CDK14: variants seen among roughly 807,000 people sequenced by gnomAD.
CDK14 encodes the protein cyclin dependent kinase 14, also known as cyclin-dependent kinase 14.
In CDK14, 34 loss-of-function variants were observed where a neutral mutation model predicts 60.7. The observed-to-expected ratio is 0.56, with a 90% CI of 0.43 to 0.75. The LOEUF is 0.75. Ranked by LOEUF, CDK14 falls within the 30% of genes least tolerant of loss-of-function variation. The pLI is 0.00. For synonymous variants in CDK14, 197 were observed against 203.7 expected, an observed-to-expected ratio of 0.97 and a Z score of 0.28; for missense variants, 482 against 564.1, an observed-to-expected ratio of 0.85 and a Z score of 1.47.
At chr7:91,043,993 A>T (rs705349) in intron 10 of CDK14, among the ~76,000 whole-genome samples, 26,658 of 152,088 alleles carry the variant, frequency 0.18, 3,317 homozygotes, top group East Asian at 0.57. Context: ...AAATCCTCGG[A>T]TAAAGTGAAT....
intron 5 of CDK14, among the ~76,000 whole-genome samples, chr7:90,853,219 A>G (rs1384190388): frequency 6.6e-6 from 1 of 152,194 alleles, no homozygotes; most frequent in Non-Finnish European, 1.5e-5. Context: ...TCAACAGTTC[A>G]TTAATAATGA....
intron 8 of CDK14, among the ~76,000 whole-genome samples, chr7:90,943,230 A>T (rs1793987705): frequency 1.3e-5 from 2 of 152,180 alleles, no homozygotes; most frequent in Non-Finnish European, 2.9e-5. Context: ...TACATTTTAC[A>T]TAAGACCCAG....
intron 8 of CDK14, among the ~76,000 whole-genome samples, chr7:90,938,270 T>C (rs893485018): frequency 6.6e-6 from 1 of 152,232 alleles, no homozygotes; most frequent in African/African-American, 2.4e-5. Context: ...TTCAAAACCA[T>C]CTGAACAACT....
chr7:90,601,068 T>A (rs1034337726), intron 1 of CDK14, among the ~76,000 whole-genome samples: 2 of 152,236 alleles, frequency 1.3e-5, no homozygotes, highest in African/African-American at 4.8e-5. Flanking sequence ...AGGAGGAGCA[T>A]CACTTTCATC....
chr7:90,599,311 T>C (rs188386651), intron 1 of CDK14, among the ~76,000 whole-genome samples: 1 of 152,382 alleles, frequency 6.6e-6, no homozygotes, highest in East Asian at 1.9e-4. Flanking sequence ...CTGACATAAC[T>C]GATCTTATAG....
intron 12 of CDK14, among the ~76,000 whole-genome samples, chr7:91,086,252 G>A (rs1798635589): frequency 6.6e-6 from 1 of 152,180 alleles, no homozygotes; most frequent in Non-Finnish European, 1.5e-5. Context: ...TACCCAATAA[G>A]CATAATAAAT....
At chr7:90,841,664 A>G (rs1473963737) in intron 5 of CDK14, among the ~76,000 whole-genome samples, 3 of 142,252 alleles carry the variant, frequency 2.1e-5, no homozygotes, top group African/African-American at 5.9e-5. Flanking sequence ...ATATGTACAC[A>G]CACACACACA....
At chr7:91,037,941 C>T (rs1362008113) in intron 10 of CDK14, among the ~76,000 whole-genome samples, 1 of 152,176 alleles carries the variant, frequency 6.6e-6, no homozygotes, top group Non-Finnish European at 1.5e-5. Flanking sequence ...TCCAGGTATT[C>T]TCCAGTTCCC....
Position 90,877,598 on chromosome 7 carries a change from C to T in CDK14, c.639+14329C>T, listed in dbSNP as rs1020330219. Among the ~76,000 whole-genome samples the T allele has an allele frequency of 3.9e-5, 6 of 152,108 alleles. 1 individual carries two copies. Among genetic ancestry groups the T allele is most frequent in the African/African-American group, 1.4e-4 (6 of 41,380 alleles). ...AATGGATTGATTGATGTTTCTCCCCCTTCTATTTTATTACCCTTTTTACTT... is the reference window on the plus strand; with the variant it reads ...AATGGATTGATTGATGTTTCTCCCCTTTCTATTTTATTACCCTTTTTACTT... On this transcript the variant is annotated intron_variant, in intron 6 of 14. Coordinates refer to ENST00000380050, the MANE Select transcript of CDK14 (RefSeq NM_001287135.2).
intron 11 of CDK14, among the ~76,000 whole-genome samples, chr7:91,047,812 A>G (rs1797283837): frequency 6.6e-6 from 1 of 152,186 alleles, no homozygotes; most frequent in Admixed American, 6.5e-5. Flanking sequence ...GAGGAGACAC[A>G]ACAACAGACT....
intron 14 of CDK14, among the ~76,000 whole-genome samples, chr7:91,172,008 T>C (rs982124392): frequency 6.6e-6 from 1 of 152,214 alleles, no homozygotes; most frequent in African/African-American, 2.4e-5. Flanking sequence ...TTTAAATTGT[T>C]TTATGATAGA....
chr7:91,020,256 A>G (rs759882509), intron 10 of CDK14, among the ~76,000 whole-genome samples: 2 of 152,216 alleles, frequency 1.3e-5, no homozygotes, highest in Non-Finnish European at 2.9e-5. Context: ...AAGAATCAAG[A>G]TCAGTAATAA....
intron 6 of CDK14, among the ~76,000 whole-genome samples, chr7:90,886,751 C>A (rs909160579): frequency 6.6e-6 from 1 of 152,020 alleles, no homozygotes; most frequent in African/African-American, 2.4e-5. Flanking sequence ...GTGATGTTTG[C>A]CAAATATATC....
At chr7:90,733,539 C>G (rs1802958785) in intron 3 of CDK14, among the ~76,000 whole-genome samples, 2 of 152,168 alleles carry the variant, frequency 1.3e-5, no homozygotes, top group Non-Finnish European at 2.9e-5. Flanking sequence ...ATAGTTACCT[C>G]TTCTTGTTGC....
intron 2 of CDK14, among the ~76,000 whole-genome samples, chr7:90,642,519 C>CAA (rs929563734): frequency 3.3e-5 from 5 of 151,856 alleles, no homozygotes; most frequent in Non-Finnish European, 7.4e-5. Flanking sequence ...GAATAGATAG[C>CAA]AAGAGTTTTT....
At chr7:91,076,448 T>C (rs1286837330) in intron 11 of CDK14, among the ~76,000 whole-genome samples, 3 of 151,984 alleles carry the variant, frequency 2.0e-5, no homozygotes, top group Non-Finnish European at 4.4e-5. Context: ...GCTAGCCATA[T>C]GCAGAAAACT....
At chr7:91,029,799 T>C (rs990099521) in intron 10 of CDK14, among the ~76,000 whole-genome samples, 1 of 152,190 alleles carries the variant, frequency 6.6e-6, no homozygotes, top group African/African-American at 2.4e-5. Flanking sequence ...TTATCAAATC[T>C]AGGAATCTTT....
chr7:90,635,079 A>G (rs1374987345), intron 2 of CDK14, among the ~76,000 whole-genome samples: 1 of 151,924 alleles, frequency 6.6e-6, no homozygotes, highest in African/African-American at 2.4e-5. Context: ...CCCATTTTGT[A>G]GGTTGCCTGT....
At chr7:90,746,102 G>A (rs1356107074) in intron 3 of CDK14, among the ~76,000 whole-genome samples, 3 of 152,124 alleles carry the variant, frequency 2.0e-5, no homozygotes, top group Admixed American at 2.0e-4. Context: ...TCACCTAGAG[G>A]TTCTTGCTTC....
Sources: allele counts gnomAD v4.1 joint callset (sites outside exome capture counted in the v4.1 genomes callset), GRCh38; gene constraint gnomAD v4.1.1; transcripts MANE v1.5; gene names NCBI Gene and HGNC (gene_info 2026-07-23, HGNC 2026-07-21).